The following MAGI2 variants were observed in gnomAD, a reference collection of about 807,000 sequenced individuals.
The protein encoded by MAGI2 is membrane-associated guanylate kinase, WW and PDZ domain-containing protein 2.
Under a neutral mutation model 133.3 loss-of-function variants are expected in MAGI2, and 35 were observed. That is an observed-to-expected ratio of 0.26 (90% CI 0.20 to 0.35). The LOEUF is 0.35. MAGI2 is among the 10% of genes least tolerant of loss of function. The pLI, the probability that MAGI2 is intolerant of heterozygous loss-of-function variation, is 1.00. For missense variants in MAGI2, 1,636 were observed against 1,863.4 expected (o/e 0.88, Z 2.25); for synonymous variants, 729 against 710.6 (o/e 1.03, Z -0.41).
intron 10 of MAGI2, among the ~76,000 whole-genome samples, chr7:78,217,640 G>A (rs577398437): frequency 6.6e-6 from 1 of 152,320 alleles, no homozygotes; most frequent in Admixed American, 6.5e-5. Context: ...GGAGATGGCA[G>A]AACTGAGACT....
intron 21 of MAGI2, chr7:78,078,593 G>A (rs911346414): frequency 2.5e-6 from 1 of 395,068 alleles, no homozygotes; most frequent in African/African-American, 2.1e-5. Flanking sequence ...AAATTACTGT[G>A]TACTCAAATG....
At position 78,267,052 on chromosome 7, in the gene MAGI2, C is replaced by T. The variant is rs117602214; in HGVS notation, c.1409-10471G>A. Among the ~76,000 whole-genome samples, 96 of 152,240 alleles carry T rather than the reference C, an allele frequency of 6.3e-4. 1 individual carries two copies. In the East Asian group the frequency reaches 0.016, roughly 26 times the overall value. On this transcript the variant is annotated intron_variant, in intron 9 of 21. Transcript: ENST00000354212. Reference sequence around the variant, plus strand: ...TGCTTGGTCGGAGAAGTGCTCAACCCTAGGTCTCTATCAACCTACATGGTA... The same window carrying T: ...TGCTTGGTCGGAGAAGTGCTCAACCTTAGGTCTCTATCAACCTACATGGTA...
At chr7:78,074,545 T>C (rs1008825098) in intron 21 of MAGI2, among the ~76,000 whole-genome samples, 48 of 152,288 alleles carry the variant, frequency 3.2e-4, no homozygotes, top group African/African-American at 1.1e-3. Flanking sequence ...TAGGAAAAAG[T>C]AGGATTATAT....
chr7:79,304,531 T>C (rs1837638568), intron 1 of MAGI2, among the ~76,000 whole-genome samples: 2 of 152,270 alleles, frequency 1.3e-5, no homozygotes, highest in South Asian at 4.1e-4. Context: ...CATTTTACTC[T>C]TTATACTTAG....
At chr7:78,807,917 C>T (rs1344543640) in intron 2 of MAGI2, among the ~76,000 whole-genome samples, 6 of 152,128 alleles carry the variant, frequency 3.9e-5, no homozygotes, top group African/African-American at 1.4e-4. Context: ...CTTATTGGAG[C>T]TTACGCAGAT....
In MAGI2 at chr7:78,931,443, C is replaced by T. The variant is rs1164349644; in HGVS notation, c.418+75647G>A. ...GAGCCAGTGAGCAATTGGCCCTGCC[C>T]GCTTCCTTTTCTACTATGACAGGCA... On this transcript the variant is annotated intron_variant, in intron 2 of 21. Coordinates refer to ENST00000354212, the MANE Select transcript of MAGI2 (RefSeq NM_012301.4). Among the ~76,000 whole-genome samples, 4 of 152,058 alleles carry T rather than the reference C, an allele frequency of 2.6e-5. No homozygotes were observed. In the East Asian group the frequency reaches 7.7e-4, roughly 29 times the overall value.
chr7:78,868,194 CTTAA>C (rs58624218), intron 2 of MAGI2, among the ~76,000 whole-genome samples: 11,353 of 152,114 alleles, frequency 0.075, 578 homozygotes, highest in African/African-American at 0.15. Context: ...AAATGGCATA[CTTAA>C]TTAAGAATGA....
At chr7:78,298,601 T>TCAAA (rs1186064333) in intron 9 of MAGI2, among the ~76,000 whole-genome samples, 3 of 152,142 alleles carry the variant, frequency 2.0e-5, no homozygotes, top group African/African-American at 4.8e-5. Flanking sequence ...CCTTCTGGGT[T>TCAAA]CAAACAACTC....
intron 2 of MAGI2, among the ~76,000 whole-genome samples, chr7:78,930,649 C>T (rs1800042929): frequency 6.6e-6 from 1 of 152,072 alleles, no homozygotes. Context: ...CCATTCATTA[C>T]TTCTAACTCA....
chr7:79,268,562 T>C (rs1424686943), intron 1 of MAGI2, among the ~76,000 whole-genome samples: 1 of 152,216 alleles, frequency 6.6e-6, no homozygotes, highest in Non-Finnish European at 1.5e-5. Context: ...TCACAGAGAA[T>C]GTGACATTAA....
At chr7:78,475,779 G>C (rs997932760) in intron 6 of MAGI2, among the ~76,000 whole-genome samples, 2 of 151,804 alleles carry the variant, frequency 1.3e-5, no homozygotes, top group South Asian at 2.1e-4. Flanking sequence ...TAGGGACAAG[G>C]GGTGAGGAGA....
chr7:79,292,096 G>A (rs1440023394), intron 1 of MAGI2, among the ~76,000 whole-genome samples: 1 of 151,908 alleles, frequency 6.6e-6, no homozygotes, highest in Non-Finnish European at 1.5e-5. Flanking sequence ...TGTGACGCAG[G>A]GGTCCAGCAG....
At chr7:78,785,279 A>G (rs1472067093) in intron 2 of MAGI2, among the ~76,000 whole-genome samples, 1 of 152,238 alleles carries the variant, frequency 6.6e-6, no homozygotes, top group African/African-American at 2.4e-5. Flanking sequence ...TTTGTTTAAA[A>G]GTCAATTAGA....
At chr7:78,413,343 A>G (rs1044737797) in intron 6 of MAGI2, among the ~76,000 whole-genome samples, 12 of 152,120 alleles carry the variant, frequency 7.9e-5, no homozygotes, top group Admixed American at 7.2e-4. Flanking sequence ...GTCTGAAATT[A>G]TCCATATTCA....
At chr7:78,924,951 C>A (rs1231384919) in intron 2 of MAGI2, among the ~76,000 whole-genome samples, 1 of 151,828 alleles carries the variant, frequency 6.6e-6, no homozygotes, top group Non-Finnish European at 1.5e-5. Flanking sequence ...ATTGTGCTCT[C>A]CAGGTTGGAG....
intron 1 of MAGI2, among the ~76,000 whole-genome samples, chr7:79,140,296 T>A (rs1347152991): frequency 6.6e-6 from 1 of 152,214 alleles, no homozygotes; most frequent in Non-Finnish European, 1.5e-5. Flanking sequence ...TTCACTATAT[T>A]TTTGCAAGTA....
chr7:79,278,565 T>A (rs770820586), intron 1 of MAGI2, among the ~76,000 whole-genome samples: 1 of 152,184 alleles, frequency 6.6e-6, no homozygotes, highest in Non-Finnish European at 1.5e-5. Flanking sequence ...TTGGCTAAAA[T>A]CCTCTTTGAC....
chr7:78,504,485 GA>G (rs908103145), intron 4 of MAGI2, among the ~76,000 whole-genome samples: 6 of 152,150 alleles, frequency 3.9e-5, no homozygotes, highest in African/African-American at 1.4e-4. Flanking sequence ...ATACGAAGGA[GA>G]AGTTCCTTAA....
intron 21 of MAGI2, among the ~76,000 whole-genome samples, chr7:78,054,615 A>G (rs1418444587): frequency 1.3e-5 from 2 of 148,476 alleles, no homozygotes; most frequent in East Asian, 3.9e-4. Context: ...CTGAAAGACC[A>G]TAACCTTCTG....
Sources: allele counts gnomAD v4.1 joint callset (sites outside exome capture counted in the v4.1 genomes callset), GRCh38; gene constraint gnomAD v4.1.1; transcripts MANE v1.5; gene names NCBI Gene and HGNC (gene_info 2026-07-23, HGNC 2026-07-21).